Variants in SLC15A1 observed in about 807,000 individuals in gnomAD.
SLC15A1 encodes the protein solute carrier family 15 member 1, also known as Caco-2 oligopeptide transporter.
SLC15A1 carries 83 observed loss-of-function variants against 92.9 expected under a neutral mutation model. That is an observed-to-expected ratio of 0.89 (90% CI 0.75 to 1.07). SLC15A1 has a LOEUF of 1.07. SLC15A1 is among the 50% of genes least tolerant of loss of function. The pLI is 0.00. For missense variants in SLC15A1, 857 were observed against 880.1 expected (o/e 0.97, Z 0.33); for synonymous variants, 322 against 318.2 (o/e 1.01, Z -0.13).
intron 16 of SLC15A1, among the ~76,000 whole-genome samples, chr13:98,705,452 C>CA (rs773824964): frequency 2.6e-5 from 4 of 152,110 alleles, no homozygotes; most frequent in East Asian, 1.9e-4. Context: ...GTTGCTACAA[C>CA]AAAAAATGTC....
intron 5 of SLC15A1, 59 bp downstream of exon 5, chr13:98,723,853 A>T: frequency 6.2e-7 from 1 of 1,608,294 alleles, no homozygotes; most frequent in Non-Finnish European, 8.5e-7. Context: ...CGAAGACTTA[A>T]GGCATCAAAT....
At chr13:98,712,232 C>G (rs1475954348) in intron 10 of SLC15A1, among the ~76,000 whole-genome samples, 1 of 152,168 alleles carries the variant, frequency 6.6e-6, no homozygotes, top group Non-Finnish European at 1.5e-5. Context: ...TATATTCAAA[C>G]TAAGGTTATG....
Position 98,715,937 on chromosome 13 carries a change from T to A in SLC15A1, c.664A>T (p.Met222Leu), listed in dbSNP as rs1195892298. 1 of 1,614,102 alleles carries A rather than the reference T, an allele frequency of 6.2e-7. No homozygotes were observed. Among genetic ancestry groups the A allele is most frequent in the Admixed American group, 1.7e-5 (1 of 60,008 alleles). Residue 222 changes from methionine (M) to leucine (L), a missense_variant, in exon 9 of 23, where the codon ATG (methionine) becomes TTG (leucine). Coordinates refer to ENST00000376503, the MANE Select transcript of SLC15A1 (RefSeq NM_005073.4). ...ALIVFVLGSG[M>L]YKKFKPQGNI... ...CCCTGTGGCTTGAACTTCTTGTACA[T>A]CCCACTGCCAAGGACAAACACAACT...
At chr13:98,741,723 C>CA (rs61421254) in intron 1 of SLC15A1, among the ~76,000 whole-genome samples, 1,031 of 81,032 alleles carry the variant, frequency 0.013, 7 homozygotes, top group African/African-American at 0.027. Flanking sequence ...GACTCCGTCT[C>CA]AAAAAAAAAA....
Position 98,708,537 on chromosome 13 carries a change from G to A in SLC15A1, c.1149+149C>T, listed in dbSNP as rs560743911. 8.7e-5 allele frequency: 48 copies of A among 553,106 alleles called. No individual in the cohort carries two copies. In the East Asian group the frequency reaches 9.6e-4, roughly 11 times the overall value. The allele number at this position is 553,106 out of a possible 1,614,324, so 34.3% of individuals were successfully genotyped here. The stretch of plus-strand genomic sequence containing the variant: ...CACCCACTGTACCCTCACACCCATG[G>A]TGCCTCCCACTGCCCACAGCTCCAG... On this transcript the variant is annotated intron_variant, in intron 15 of 22. Transcript: ENST00000376503.
Position 98,686,178 on chromosome 13 carries a change from C to T in SLC15A1, c.1935+12G>A. ...GACAGAGGTATGTGCAATCTCCTCTCCCACGCCATACCTGTTTGCTGAACT... is the reference window on the plus strand; with the variant it reads ...GACAGAGGTATGTGCAATCTCCTCTTCCACGCCATACCTGTTTGCTGAACT... On this transcript the variant is annotated intron_variant, in intron 22 of 22. Coordinates refer to ENST00000376503, the MANE Select transcript of SLC15A1 (RefSeq NM_005073.4). 2 of 1,596,962 alleles carry T rather than the reference C, an allele frequency of 1.3e-6. No homozygotes were observed. The highest frequency in any genetic ancestry group is 1.7e-6 in the Non-Finnish European group (2 of 1,165,180).
intron 7 of SLC15A1, chr13:98,720,638 A>G (rs2088249232): frequency 1.2e-5 from 2 of 162,780 alleles, no homozygotes; most frequent in South Asian, 3.3e-4. Flanking sequence ...TGGGAAATTC[A>G]CAAACTCTCT....
At chr13:98,687,775 A>T in intron 20 of SLC15A1, 51 bp from the exon 21 acceptor site, 6 of 1,598,726 alleles carry the variant, frequency 3.8e-6, no homozygotes, top group Non-Finnish European at 5.1e-6. Context: ...TCTAAAATAA[A>T]AACTGTTCGA....
intron 18 of SLC15A1, among the ~76,000 whole-genome samples, chr13:98,698,451 T>G (rs1365461395): frequency 6.6e-6 from 1 of 152,162 alleles, no homozygotes; most frequent in Non-Finnish European, 1.5e-5. Flanking sequence ...TTGTTTTGCT[T>G]TTTTGGAGAC....
intron 1 of SLC15A1, among the ~76,000 whole-genome samples, chr13:98,731,338 G>A (rs569821793): frequency 6.6e-6 from 1 of 152,226 alleles, no homozygotes; most frequent in South Asian, 2.1e-4. Context: ...TCGGGCAAGC[G>A]TGTGTTTTGC....
intron 1 of SLC15A1, among the ~76,000 whole-genome samples, chr13:98,748,818 G>A (rs1268350078): frequency 9.2e-5 from 14 of 152,128 alleles, no homozygotes; most frequent in Non-Finnish European, 1.5e-4. Flanking sequence ...TTCTCAAAGC[G>A]TGGGCCTGGG....
chr13:98,732,055 C>CTTAA (rs2139601339), intron 1 of SLC15A1, among the ~76,000 whole-genome samples: 1 of 152,346 alleles, frequency 6.6e-6, no homozygotes, highest in East Asian at 1.9e-4. Context: ...CTTAATGTAC[C>CTTAA]TGTGTCAACA....
rs1324469265 is a variant in SLC15A1, at chr13:98,695,375, C to T, written c.1467-6798G>A. Among the ~76,000 whole-genome samples the T allele has an allele frequency of 6.6e-5, 10 of 152,080 alleles. No individual in the cohort carries two copies. The South Asian group carries it at 1.7e-3, about 25-fold the overall frequency. On this transcript the variant is annotated intron_variant, in intron 18 of 22. Coordinates refer to ENST00000376503, the MANE Select transcript of SLC15A1 (RefSeq NM_005073.4). Reference sequence around the variant, plus strand: ...TAGCTAGGACCACAAGCATGCACTGCTATGCCAGACCCAGTTTTTTTTGTT... The same window carrying T: ...TAGCTAGGACCACAAGCATGCACTGTTATGCCAGACCCAGTTTTTTTTGTT...
At chr13:98,689,453 A>C (rs1037153441) in intron 18 of SLC15A1, among the ~76,000 whole-genome samples, 4 of 151,802 alleles carry the variant, frequency 2.6e-5, no homozygotes, top group Admixed American at 6.6e-5. Context: ...CGGTTTTTTC[A>C]GTCTTTTTTA....
At chr13:98,693,098 T>G (rs1217000597) in intron 18 of SLC15A1, among the ~76,000 whole-genome samples, 1 of 136,476 alleles carries the variant, frequency 7.3e-6, no homozygotes, top group Non-Finnish European at 1.6e-5. Context: ...TTTTTTTTTT[T>G]TTTTTTTTTT....
Position 98,704,373 on chromosome 13 carries a change from T to TG in SLC15A1, c.1331_1332insC (p.Ser445IlefsTer8), listed in dbSNP as rs1566446687. 6.2e-7 allele frequency: 1 copy of TG among 1,614,018 alleles called. No individual in the cohort carries two copies. Among genetic ancestry groups the TG allele is most frequent in the East Asian group, 2.2e-5 (1 of 44,878 alleles). On this transcript the variant is annotated frameshift_variant, in exon 17 of 23. Coordinates refer to ENST00000376503, the MANE Select transcript of SLC15A1 (RefSeq NM_005073.4). LOFTEE classifies it high-confidence loss of function. Reference sequence around the variant, plus strand: ...CGTCAGTTACAGCAGTGACTGGTGATCCAGGAGAAGAAATGTTTATCCTTG... The same window carrying TG: ...CGTCAGTTACAGCAGTGACTGGTGATGCCAGGAGAAGAAATGTTTATCCTTG...
intron 9 of SLC15A1, among the ~76,000 whole-genome samples, chr13:98,713,963 G>A (rs551019574): frequency 6.6e-6 from 1 of 150,936 alleles, no homozygotes; most frequent in Admixed American, 6.6e-5. Flanking sequence ...TGAGGCAGGA[G>A]AATTGCTTGA....
chr13:98,714,116 C>A (rs1205170712), intron 9 of SLC15A1, among the ~76,000 whole-genome samples: 1 of 150,958 alleles, frequency 6.6e-6, no homozygotes, highest in Non-Finnish European at 1.5e-5. Context: ...TAGGATACTT[C>A]GCAATATAGT....
chr13:98,743,707 C>G (rs1051168820), intron 1 of SLC15A1, among the ~76,000 whole-genome samples: 1 of 111,576 alleles, frequency 9.0e-6, no homozygotes, highest in Non-Finnish European at 2.0e-5. Flanking sequence ...CCCTTGCTCT[C>G]CAAGTTAGCT....
Sources: allele counts gnomAD v4.1 joint callset (sites outside exome capture counted in the v4.1 genomes callset), GRCh38; gene constraint gnomAD v4.1.1; transcripts MANE v1.5; gene names NCBI Gene and HGNC (gene_info 2026-07-23, HGNC 2026-07-21).